ANXA6: variants seen among roughly 807,000 people sequenced by gnomAD.
The protein encoded by ANXA6 is annexin A6.
ANXA6 carries 71 observed loss-of-function variants against 95.4 expected under a neutral mutation model. The ratio of observed to expected loss-of-function variants is 0.74; its 90% CI spans 0.61 to 0.91. The LOEUF (loss-of-function observed/expected upper bound fraction) is 0.91. ANXA6 is among the 40% of genes least tolerant of loss of function. The probability of loss-of-function intolerance (pLI) is 0.00; values close to 1 mark genes in which losing one functional copy is unlikely to be tolerated. For synonymous variants in ANXA6, 289 were observed against 315.9 expected (o/e 0.91, Z 0.90); for missense variants, 830 against 876.4 (o/e 0.95, Z 0.67).
At chr5:151,137,151 A>T in intron 6 of ANXA6, 80 bp downstream of exon 6, 1 of 1,215,466 alleles carries the variant, frequency 8.2e-7, no homozygotes, top group South Asian at 1.3e-5. Context: ...GTAGATGGCT[A>T]GAATCTTAGT....
At chr5:151,142,594 T>A (rs927990093) in intron 2 of ANXA6, among the ~76,000 whole-genome samples, 1 of 152,150 alleles carries the variant, frequency 6.6e-6, no homozygotes, top group African/African-American at 2.4e-5. Context: ...CCATGGAGAA[T>A]GGAGACTGTC....
chr5:151,116,476 C>T (rs1224616852), intron 20 of ANXA6, among the ~76,000 whole-genome samples: 1 of 152,330 alleles, frequency 6.6e-6, no homozygotes, highest in South Asian at 2.1e-4. Context: ...GGTTGTCCAA[C>T]CTCCAGAAGA....
chr5:151,139,527 C>A, intron 3 of ANXA6, 80 bp from the exon 4 acceptor site: 1 of 947,782 alleles, frequency 1.1e-6, no homozygotes, highest in East Asian at 2.5e-5. Context: ...TCCCTGGACA[C>A]AGGCCTAGTA....
At chr5:151,136,448 G>A in intron 6 of ANXA6, 113 bp from the exon 7 acceptor site, 3 of 929,120 alleles carry the variant, frequency 3.2e-6, no homozygotes, top group Middle Eastern at 2.2e-4. Context: ...CCAAAACCCA[G>A]TCTACACGTC....
At position 151,136,176 on chromosome 5, in the gene ANXA6, G is replaced by A. The variant is rs1323868200; in HGVS notation, c.489+80C>T. The A allele has an allele frequency of 2.9e-6, 4 of 1,391,640 alleles. No homozygotes were observed. In the African/African-American group the frequency reaches 4.3e-5, roughly 15 times the overall value. The allele number at this position is 1,391,640 out of a possible 1,614,324, so 86.2% of individuals were successfully genotyped here. A position where few individuals can be genotyped will look rare whatever the true frequency, so the allele number is the denominator to read the frequency against. ...AACCAGGGGAAGCTGACCAGACCCT[G>A]GACATTCAGATCTACACCCAGATGA... On this transcript the variant is annotated intron_variant, in intron 7 of 25. Transcript: ENST00000354546.
At chr5:151,149,613 A>G (rs1053013727) in intron 1 of ANXA6, among the ~76,000 whole-genome samples, 5 of 151,990 alleles carry the variant, frequency 3.3e-5, no homozygotes, top group Non-Finnish European at 7.4e-5. Flanking sequence ...CAGCCTCCTG[A>G]GTAGCTGGGA....
At chr5:151,111,762 T>A (rs1764856233) in intron 20 of ANXA6, among the ~76,000 whole-genome samples, 1 of 151,908 alleles carries the variant, frequency 6.6e-6, no homozygotes, top group Non-Finnish European at 1.5e-5. Context: ...CTAATTTTTT[T>A]ATTTTTTGTA....
Position 151,139,421 on chromosome 5 carries a change from T to C in ANXA6, c.136A>G (p.Ile46Val). ...FGSDKEAILD[I>V]ITSRSNRQRQ... ...TGCCTGTTGCTCCGTGAGGTGATTATGTCCAGTATGGCCTCCTTGTCACTG... is the reference window on the plus strand; with the variant it reads ...TGCCTGTTGCTCCGTGAGGTGATTACGTCCAGTATGGCCTCCTTGTCACTG... The change falls in exon 4 of 26, where the codon ATA (isoleucine) becomes GTA (valine). Residue 46 changes from isoleucine to valine, a missense_variant. Ile to Val is a conservative substitution (Grantham distance 29). Coordinates refer to ENST00000354546, the MANE Select transcript of ANXA6 (RefSeq NM_001155.5). The C allele has an allele frequency of 6.2e-7, 1 of 1,613,732 alleles. No homozygotes were observed. Among genetic ancestry groups the C allele is most frequent in the Non-Finnish European group, 8.5e-7 (1 of 1,179,706 alleles).
chr5:151,119,720 C>A (rs1765110259), intron 17 of ANXA6, among the ~76,000 whole-genome samples: 1 of 152,202 alleles, frequency 6.6e-6, no homozygotes, highest in Non-Finnish European at 1.5e-5. Context: ...GAAGGACACG[C>A]ACATGCCTCA....
intron 9 of ANXA6, 26 bp from the exon 10 acceptor site, chr5:151,132,597 G>A (rs2113933042): frequency 6.3e-7 from 1 of 1,592,178 alleles, no homozygotes; most frequent in East Asian, 2.2e-5. Flanking sequence ...AGACAGGGAG[G>A]TTTGAGAGTG....
intron 20 of ANXA6, among the ~76,000 whole-genome samples, chr5:151,114,752 G>T (rs1410167535): frequency 2.0e-4 from 31 of 151,728 alleles, no homozygotes; most frequent in Non-Finnish European, 8.8e-5. Context: ...AGTGAAAGGG[G>T]AAGCAATTAA....
At chr5:151,107,411 G>C (rs1764723167) in intron 23 of ANXA6, among the ~76,000 whole-genome samples, 1 of 152,192 alleles carries the variant, frequency 6.6e-6, no homozygotes, top group Non-Finnish European at 1.5e-5. Context: ...ATTCAACCTG[G>C]ATTCCATGCT....
At position 151,101,490 on chromosome 5, in the gene ANXA6, G is replaced by A. The variant is rs776590607; in HGVS notation, c.1980C>T (p.Asp660=). Reference sequence around the variant, plus strand: ...AGAGAGCCAGCAAGGCCTTCAGGAAGTCTCCGGAGGTGTCACCCTGGCAGA... The same window carrying A: ...AGAGAGCCAGCAAGGCCTTCAGGAAATCTCCGGAGGTGTCACCCTGGCAGA... The part of the protein sequence containing the change: ...HQAIEGDTSG[D]FLKALLALCG... The change falls in exon 26 of 26, where the codon GAC becomes GAT. Residue 660 remains aspartate, a synonymous_variant. Coordinates refer to ENST00000354546, the MANE Select transcript of ANXA6 (RefSeq NM_001155.5). The A allele has an allele frequency of 6.4e-7, 1 of 1,560,870 alleles. No individual in the cohort carries two copies. Among genetic ancestry groups the A allele is most frequent in the South Asian group, 1.2e-5 (1 of 84,486 alleles).
chr5:151,103,883 C>CA (rs1050017767), intron 24 of ANXA6, among the ~76,000 whole-genome samples, 191 bp from the exon 25 acceptor site: 14 of 152,236 alleles, frequency 9.2e-5, no homozygotes, highest in South Asian at 2.1e-4. Flanking sequence ...GACTGACACG[C>CA]AAAAAAGATG....
chr5:151,136,385 T>TC, intron 6 of ANXA6, 50 bp from the exon 7 acceptor site: 1 of 1,571,734 alleles, frequency 6.4e-7, no homozygotes. Context: ...ACCTCAGGGA[T>TC]CTAGGATAAA....
intron 25 of ANXA6, among the ~76,000 whole-genome samples, chr5:151,102,643 G>T (rs1321386657): frequency 6.6e-6 from 1 of 152,194 alleles, no homozygotes; most frequent in East Asian, 1.9e-4. Context: ...GGTGGACGTT[G>T]CAGTGAGATG....
At chr5:151,121,206 G>C (rs1270217039) in intron 17 of ANXA6, among the ~76,000 whole-genome samples, 1 of 152,210 alleles carries the variant, frequency 6.6e-6, no homozygotes, top group African/African-American at 2.4e-5. Flanking sequence ...TCTAGAGTCA[G>C]AAAGACTGGT....
chr5:151,127,091 TC>T (rs1382217781), intron 13 of ANXA6, among the ~76,000 whole-genome samples: 3 of 152,196 alleles, frequency 2.0e-5, no homozygotes, highest in Non-Finnish European at 4.4e-5. Flanking sequence ...TCCTTCAGCC[TC>T]CCCTTTCTTC....
rs542899431 is a variant in ANXA6 at position 151,116,331 on chromosome 5, A to C, written c.1572+796T>G. Among the ~76,000 whole-genome samples, 5 of 152,340 alleles carry C rather than the reference A, an allele frequency of 3.3e-5. No homozygotes were observed. In the South Asian group the frequency reaches 1.0e-3, roughly 32 times the overall value. On this transcript the variant is annotated intron_variant, in intron 20 of 25. Transcript: ENST00000354546. ...GCTTTTGGGGGCGGGAAAATGAGGC[A>C]GTCAGAAGAGATGGAGACATGGACC...
Sources: allele counts gnomAD v4.1 joint callset (sites outside exome capture counted in the v4.1 genomes callset), GRCh38; gene constraint gnomAD v4.1.1; transcripts MANE v1.5; gene names NCBI Gene and HGNC (gene_info 2026-07-23, HGNC 2026-07-21).